Variants in MS4A2 observed in about 807,000 individuals in gnomAD.
MS4A2 encodes the protein membrane spanning 4-domains A2.
A neutral mutation model predicts 27.9 loss-of-function variants in MS4A2; 26 were observed. The observed-to-expected ratio is 0.93, with a 90% CI of 0.68 to 1.29. MS4A2 has a LOEUF of 1.29. Among genes scored for constraint, MS4A2 ranks in the 50% most tolerant of loss-of-function variants. The pLI is 0.00. For missense variants in MS4A2, 284 were observed against 284.6 expected (o/e 1.00, Z 0.01); for synonymous variants, 110 against 98.8 (o/e 1.11, Z -0.67).
intron 4 of MS4A2, 149 bp downstream of exon 4, chr11:60,092,997 CTTTTT>C: frequency 1.3e-6 from 1 of 784,200 alleles, no homozygotes; most frequent in South Asian, 1.6e-5. Flanking sequence ...TGTCCTAAGG[CTTTTT>C]GCAACAGAAG....
At chr11:60,088,359 G>A (rs944100813), upstream of MS4A2, 9 of 207,778 alleles carry the variant, frequency 4.3e-5, no homozygotes, top group Non-Finnish European at 5.8e-5. Flanking sequence ...AGAAATGGCT[G>A]AATTGGGACA....
Position 60,094,002 on chromosome 11 carries a change from A to C in MS4A2, c.576A>C (p.Gly192=), listed in dbSNP as rs1183616291. 2.6e-5 allele frequency: 42 copies of C among 1,613,970 alleles called. No individual in the cohort carries two copies. The highest frequency in any genetic ancestry group is 3.5e-5 in the Non-Finnish European group (41 of 1,179,970). ...TGATGCTGTTTCTCACCATTCTGGG[A>C]CTTGGTAGTGCTGTGTCACTCACAA... The part of the protein sequence containing the change: ...VVMMLFLTIL[G]LGSAVSLTIC... Residue 192 remains glycine (G), a synonymous_variant, in exon 6 of 7, where the codon GGA becomes GGC. Transcript: ENST00000278888.
At chr11:60,091,153 AAAT>A (rs950506265) in intron 3 of MS4A2, among the ~76,000 whole-genome samples, 4 of 152,086 alleles carry the variant, frequency 2.6e-5, no homozygotes, top group African/African-American at 4.8e-5. Flanking sequence ...CTCTGTCTCA[AAAT>A]AATAATAATA....
rs1855864939 is a variant in MS4A2, at chr11:60,096,075, A to G, written c.*419A>G. On this transcript the variant is annotated 3_prime_UTR_variant, in exon 7 of 7. Coordinates refer to ENST00000278888, the MANE Select transcript of MS4A2 (RefSeq NM_000139.5). Reference sequence around the variant, plus strand: ...ATAGTTACAGTTGGGCATGATTTGTACCATCCACCCATACCCACACAGTCA... The same window carrying G: ...ATAGTTACAGTTGGGCATGATTTGTGCCATCCACCCATACCCACACAGTCA... 1 of 238,166 alleles carries G rather than the reference A, an allele frequency of 4.2e-6. No homozygotes were observed. The highest frequency in any genetic ancestry group is 5.6e-5 in the South Asian group (1 of 17,722). 14.8% of individuals were successfully genotyped at this position (238,166 alleles called of 1,614,324 possible). A position where few individuals can be genotyped will look rare whatever the true frequency, so the allele number is the denominator to read the frequency against.
chr11:60,090,261 CTTCTATTA>C, intron 2 of MS4A2, 67 bp from the exon 3 acceptor site: 1 of 1,456,136 alleles, frequency 6.9e-7, no homozygotes, highest in Admixed American at 1.7e-5. Flanking sequence ...TCATGTTTGG[CTTCTATTA>C]TTAAAAAATG....
chr11:60,094,686 C>T (rs563077701), intron 6 of MS4A2, among the ~76,000 whole-genome samples: 9 of 152,308 alleles, frequency 5.9e-5, no homozygotes, highest in East Asian at 5.8e-4. Flanking sequence ...CGGTGGCTCA[C>T]GCCTGTAATC....
upstream of MS4A2, chr11:60,088,394 G>A (rs895349919): frequency 9.1e-6 from 2 of 218,852 alleles, no homozygotes; most frequent in South Asian, 7.3e-5. Context: ...TCCAGAAGAA[G>A]GGCACATCTC....
chr11:60,091,498 C>T (rs935707760), intron 3 of MS4A2, among the ~76,000 whole-genome samples: 4 of 152,148 alleles, frequency 2.6e-5, no homozygotes, highest in African/African-American at 9.7e-5. Context: ...AAAAGCTTCC[C>T]TGTGTATCTT....
In MS4A2 at chr11:60,090,353, T is replaced by C; in HGVS notation, c.204T>C (p.Thr68=). 2 of 1,613,162 alleles carry C rather than the reference T, an allele frequency of 1.2e-6. No homozygotes were observed. Among genetic ancestry groups the C allele is most frequent in the Non-Finnish European group, 1.7e-6 (2 of 1,179,892 alleles). Residue 68 remains threonine, a synonymous_variant, in exon 3 of 7, where the codon ACT becomes ACC. Transcript: ENST00000278888. ...QEFLGVTQIL[T]AMICLCFGTV... ...TTCTATAGGTAACACAAATTCTGAC[T>C]GCTATGATATGCCTTTGTTTTGGAA... is the stretch of plus-strand genomic sequence containing the variant.
At position 60,089,746 on chromosome 11, in the gene MS4A2, A is replaced by C. The variant is rs1855722317; in HGVS notation, c.111A>C (p.Arg37Ser). The change falls in exon 2 of 7, where the codon AGA (arginine) becomes AGC (serine). Residue 37 changes from arginine (R) to serine (S), a missense_variant. By Grantham distance (110) the Arg-to-Ser change is moderately radical. Coordinates refer to ENST00000278888, the MANE Select transcript of MS4A2 (RefSeq NM_000139.5). ...EISPQEVSSG[R>S]LLKSASSPPL... ...CTCCCCAGGAAGTATCTTCAGGCAGACTATTGAAGTCGGCCTCATCCCCAC... is the reference window on the plus strand; with the variant it reads ...CTCCCCAGGAAGTATCTTCAGGCAGCCTATTGAAGTCGGCCTCATCCCCAC... 12 of 1,614,182 alleles carry C rather than the reference A, an allele frequency of 7.4e-6. No homozygotes were observed. Among genetic ancestry groups the C allele is most frequent in the Non-Finnish European group, 1.0e-5 (12 of 1,180,014 alleles).
At chr11:60,095,494 G>A in intron 6 of MS4A2, 64 bp from the exon 7 acceptor site, 3 of 1,001,860 alleles carry the variant, frequency 3.0e-6, no homozygotes, top group East Asian at 2.4e-5. Context: ...TAAGTCTCTT[G>A]AGCGAGACTT....
At position 60,089,739 on chromosome 11, in the gene MS4A2, C is replaced by T; in HGVS notation, c.104C>T (p.Ser35Leu). 6.2e-7 allele frequency: 1 copy of T among 1,614,170 alleles called. No homozygotes were observed. Among genetic ancestry groups the T allele is most frequent in the Non-Finnish European group, 8.5e-7 (1 of 1,180,014 alleles). Residue 35 changes from serine to leucine, a missense_variant, in exon 2 of 7, where the codon TCA becomes TTA. By Grantham distance (145) the Ser-to-Leu change is moderately radical. Coordinates refer to ENST00000278888, the MANE Select transcript of MS4A2 (RefSeq NM_000139.5). ...GAAATATCTCCCCAGGAAGTATCTT[C>T]AGGCAGACTATTGAAGTCGGCCTCA... ...VLEISPQEVS[S>L]GRLLKSASSP... is the part of the protein sequence containing the mutation.
chr11:60,095,566 G>A lies in MS4A2; in HGVS notation c.645G>A (p.Glu215=), dbSNP rs1855854218. The A allele has an allele frequency of 6.2e-7, 1 of 1,607,776 alleles. No individual in the cohort carries two copies. Among genetic ancestry groups the A allele is most frequent in the Admixed American group, 1.7e-5 (1 of 60,022 alleles). The change falls in exon 7 of 7, where the codon GAG becomes GAA. Residue 215 remains glutamate, a synonymous_variant. Transcript: ENST00000278888. ...GEELKGNKVP[E]DRVYEELNIY... is the part of the protein sequence containing the mutation. ...GATTTTTCCCTTATCAGGTTCCAGA[G>A]GATCGTGTTTATGAAGAATTAAACA...
At chr11:60,093,716 G>A (rs1028419859) in intron 5 of MS4A2, 158 bp downstream of exon 5, 4 of 1,100,072 alleles carry the variant, frequency 3.6e-6, no homozygotes, top group Middle Eastern at 2.0e-4. Flanking sequence ...GATGCTGGCT[G>A]CCCACTCCCC....
rs529766551 is a variant in MS4A2, at chr11:60,095,857, C to T, written c.*201C>T. 5.2e-6 allele frequency: 3 copies of T among 582,394 alleles called. No homozygotes were observed. The highest frequency in any genetic ancestry group is 3.0e-5 in the Admixed American group (1 of 33,592). 36.1% of individuals were successfully genotyped at this position (582,394 alleles called of 1,614,324 possible). ...CTTCTATTTGTAGATATGATAGACTCCTATTTTTCTTGTTTTATATTATGA... is the reference window on the plus strand; with the variant it reads ...CTTCTATTTGTAGATATGATAGACTTCTATTTTTCTTGTTTTATATTATGA... On this transcript the variant is annotated 3_prime_UTR_variant, in exon 7 of 7. Transcript: ENST00000278888.
chr11:60,093,961 T>C lies in MS4A2; in HGVS notation c.538-3T>C, dbSNP rs934640744. On this transcript the variant is annotated splice_polypyrimidine_tract_variant and splice_region_variant and intron_variant, in intron 5 of 6. Coordinates refer to ENST00000278888, the MANE Select transcript of MS4A2 (RefSeq NM_000139.5). Reference sequence around the variant, plus strand: ...TTGTTTGTCATTTGTTGCTGTTCAATAGGAAATTGTAGTGATGATGCTGTT... The same window carrying C: ...TTGTTTGTCATTTGTTGCTGTTCAACAGGAAATTGTAGTGATGATGCTGTT... 1 of 1,609,636 alleles carries C rather than the reference T, an allele frequency of 6.2e-7. No homozygotes were observed. The highest frequency in any genetic ancestry group is 8.5e-7 in the Non-Finnish European group (1 of 1,175,910).
rs1320764694 is a variant in MS4A2, at chr11:60,097,914, T to A, written c.*2258T>A. The A allele has an allele frequency of 2.0e-5, 3 of 152,220 alleles. No homozygotes were observed. Among genetic ancestry groups the A allele is most frequent in the Non-Finnish European group, 2.9e-5 (2 of 68,034 alleles). The allele number at this position is 152,220 out of a possible 1,614,324, so 9.4% of individuals were successfully genotyped here. The stretch of plus-strand genomic sequence containing the variant: ...AAAAACCCTACCCTTTCACTGTGTA[T>A]CATGCTAAGCTGCATCTCTACTCTT... On this transcript the variant is annotated 3_prime_UTR_variant, in exon 7 of 7. Transcript: ENST00000278888.
chr11:60,088,586 G>A, upstream of MS4A2: 1 of 1,440,442 alleles, frequency 6.9e-7, no homozygotes, highest in Non-Finnish European at 9.1e-7. Context: ...GTAAAAGCCT[G>A]TTGATCTTAA....
intron 3 of MS4A2, among the ~76,000 whole-genome samples, chr11:60,092,294 C>T (rs1341509344): frequency 1.4e-5 from 2 of 147,166 alleles, no homozygotes; most frequent in East Asian, 2.0e-4. Flanking sequence ...GATTCATATA[C>T]ACTTTTTTTT....
Sources: allele counts gnomAD v4.1 joint callset (sites outside exome capture counted in the v4.1 genomes callset), GRCh38; gene constraint gnomAD v4.1.1; transcripts MANE v1.5; gene names NCBI Gene and HGNC (gene_info 2026-07-23, HGNC 2026-07-21).